JAKMIP1: variants seen among roughly 807,000 people sequenced by gnomAD.
The protein encoded by JAKMIP1 is janus kinase and microtubule-interacting protein 1.
JAKMIP1 carries 33 observed loss-of-function variants against 113.0 expected under a neutral mutation model. The observed-to-expected ratio is 0.29, with a 90% confidence interval of 0.22 to 0.39. The LOEUF is 0.39. Among genes scored for constraint, JAKMIP1 ranks in the 10% least tolerant of loss-of-function variants. JAKMIP1 has a pLI of 1.00. For synonymous variants in JAKMIP1, 480 were observed against 459.9 expected, an observed-to-expected ratio of 1.04 and a Z score of -0.56; for missense variants, 813 against 1,080.5, an observed-to-expected ratio of 0.75 and a Z score of 3.47.
rs1466917870 is a variant in JAKMIP1 at position 6,183,068 on chromosome 4, G to A, written c.-148+17185C>T. ...CCAGGTCCCATCTTAGTAATACAAG[G>A]ACTCTTGAAGGTTGAGACAGAACAA... On this transcript the variant is annotated intron_variant, in intron 1 of 20. Transcript: ENST00000409021. The surrounding 1 kb of genome is among the most constrained non-coding windows in gnomAD (Gnocchi z 5.3). Among the ~76,000 whole-genome samples the A allele has an allele frequency of 6.6e-6, 1 of 152,180 alleles. No individual in the cohort carries two copies. The highest frequency in any genetic ancestry group is 1.5e-5 in the Non-Finnish European group (1 of 68,040).
chr4:6,129,732 T>C lies in JAKMIP1; in HGVS notation c.-147-16735A>G, dbSNP rs931862828. Among the ~76,000 whole-genome samples, 1 of 152,156 alleles carries C rather than the reference T, an allele frequency of 6.6e-6. No individual in the cohort carries two copies. The highest frequency in any genetic ancestry group is 1.5e-5 in the Non-Finnish European group (1 of 68,026). ...ATGACCAAAGAGGTTATGATGAGAT[T>C]TCTCCATGAAGCACAACTCCCGCCC... On this transcript the variant is annotated intron_variant, in intron 1 of 20. Transcript: ENST00000409021. The surrounding 1 kb of genome is among the most constrained non-coding windows in gnomAD (Gnocchi z 5.4).
rs973750568 is a variant in JAKMIP1 at position 6,197,855 on chromosome 4, G to T, written c.-148+2398C>A. Among the ~76,000 whole-genome samples the T allele has an allele frequency of 6.6e-6, 1 of 152,216 alleles. No homozygotes were observed. The highest frequency in any genetic ancestry group is 2.4e-5 in the African/African-American group (1 of 41,450). ...TAGCCTGCAGTGGCAATTGCTGCTGGCTTAAGCATTAGAAATTGTTCCCTC... is the reference window on the plus strand; with the variant it reads ...TAGCCTGCAGTGGCAATTGCTGCTGTCTTAAGCATTAGAAATTGTTCCCTC... On this transcript the variant is annotated intron_variant, in intron 1 of 20. Transcript: ENST00000409021. The surrounding 1 kb of genome is among the most constrained non-coding windows in gnomAD (Gnocchi z 6.5).
In JAKMIP1 at chr4:6,070,621, C is replaced by T. The variant is rs564351750; in HGVS notation, c.1303-5613G>A. On this transcript the variant is annotated intron_variant, in intron 8 of 20. Transcript: ENST00000409021. ...GGTCCCCAGACAATCGCAAGGCCCC[C>T]GGGGCAGCACTAGCAATGGCAACGC... Among the ~76,000 whole-genome samples the T allele has an allele frequency of 3.9e-5, 6 of 152,346 alleles. No homozygotes were observed. The South Asian group carries it at 6.2e-4, about 16-fold the overall frequency.
intron 1 of JAKMIP1, among the ~76,000 whole-genome samples, chr4:6,123,193 C>T (rs1391404840): frequency 6.6e-6 from 1 of 152,248 alleles, no homozygotes; most frequent in African/African-American, 2.4e-5. Context: ...TGGAACAGAG[C>T]TGTTGCCACT....
intron 1 of JAKMIP1, among the ~76,000 whole-genome samples, chr4:6,190,736 C>T (rs1191634065): frequency 6.6e-6 from 1 of 152,230 alleles, no homozygotes; most frequent in Non-Finnish European, 1.5e-5. Flanking sequence ...GGCATCTCTC[C>T]ATGTGGAACA....
intron 16 of JAKMIP1, among the ~76,000 whole-genome samples, chr4:6,046,184 G>C (rs940097996): frequency 1.2e-4 from 19 of 152,198 alleles, no homozygotes; most frequent in Non-Finnish European, 2.9e-5. Flanking sequence ...GTCCCCTAGT[G>C]GTCCTGCCAG....
chr4:6,041,782 C>T (rs769937057), intron 17 of JAKMIP1, among the ~76,000 whole-genome samples: 43 of 152,326 alleles, frequency 2.8e-4, no homozygotes, highest in Non-Finnish European at 4.7e-4. Context: ...GTCACTGCGC[C>T]AGCATTTCCA....
intron 3 of JAKMIP1, among the ~76,000 whole-genome samples, chr4:6,101,639 C>T (rs961342963): frequency 5.3e-5 from 8 of 150,184 alleles, no homozygotes; most frequent in Admixed American, 2.0e-4. Flanking sequence ...GTAATCCTAG[C>T]ACTTTGGGAG....
intron 1 of JAKMIP1, among the ~76,000 whole-genome samples, chr4:6,169,603 T>TTGTGTG (rs71173413): frequency 0.021 from 2,839 of 137,286 alleles, 34 homozygotes; most frequent in Non-Finnish European, 0.024. Context: ...CCCTAGGAAA[T>TTGTGTG]TGTGTGTGTG....
chr4:6,140,177 C>T lies in JAKMIP1; in HGVS notation c.-147-27180G>A, dbSNP rs375277165. Among the ~76,000 whole-genome samples the T allele has an allele frequency of 4.6e-5, 7 of 151,928 alleles. No homozygotes were observed. Among genetic ancestry groups the T allele is most frequent in the African/African-American group, 7.3e-5 (3 of 41,314 alleles). On this transcript the variant is annotated intron_variant, in intron 1 of 20. Transcript: ENST00000409021. This position sits in a 1 kb window ranked among gnomAD's most constrained non-coding sequence, Gnocchi z 9.4. ...ACACACAGGGGAGAAAGGCTGACAG[C>T]GGCAGAAACAATCAATGTTCACGTG...
At position 6,138,301 on chromosome 4, in the gene JAKMIP1, G is replaced by A. The variant is rs1185760869; in HGVS notation, c.-147-25304C>T. On this transcript the variant is annotated intron_variant, in intron 1 of 20. Coordinates refer to ENST00000409021, the MANE Select transcript of JAKMIP1 (RefSeq NM_001099433.2). This position sits in a 1 kb window ranked among gnomAD's most constrained non-coding sequence, Gnocchi z 6.0. Reference sequence around the variant, plus strand: ...CTCACTCTGTCACCCAGGCTGGAGTGCAGTGGTGCAATATTGGCTCACTGC... The same window carrying A: ...CTCACTCTGTCACCCAGGCTGGAGTACAGTGGTGCAATATTGGCTCACTGC... Among the ~76,000 whole-genome samples, 2 of 152,050 alleles carry A rather than the reference G, an allele frequency of 1.3e-5. No individual in the cohort carries two copies. Among genetic ancestry groups the A allele is most frequent in the Non-Finnish European group, 2.9e-5 (2 of 68,008 alleles).
rs1426886799 is a variant in JAKMIP1 at position 6,139,614 on chromosome 4, A to C, written c.-147-26617T>G. On this transcript the variant is annotated intron_variant, in intron 1 of 20. Transcript: ENST00000409021. This position sits in a 1 kb window ranked among gnomAD's most constrained non-coding sequence, Gnocchi z 5.2. ...AACCCCATCTCTACTAAAAATACAA[A>C]AATTAGCCAGGTGTGGTGGCACACA... is the stretch of plus-strand genomic sequence containing the variant. Among the ~76,000 whole-genome samples the C allele has an allele frequency of 2.0e-5, 3 of 151,904 alleles. No individual in the cohort carries two copies. Among genetic ancestry groups the C allele is most frequent in the Admixed American group, 6.6e-5 (1 of 15,266 alleles).
At chr4:6,077,392 A>G (rs968470298) in intron 8 of JAKMIP1, among the ~76,000 whole-genome samples, 14 of 151,988 alleles carry the variant, frequency 9.2e-5, no homozygotes, top group African/African-American at 3.4e-4. Flanking sequence ...GGGGTCTGCT[A>G]CGGGTTTTAG....
At chr4:6,095,668 T>G (rs935798549) in intron 3 of JAKMIP1, among the ~76,000 whole-genome samples, 3 of 152,232 alleles carry the variant, frequency 2.0e-5, no homozygotes, top group Non-Finnish European at 4.4e-5. Context: ...CGGTGCCATC[T>G]GATGTGTACG....
chr4:6,071,674 G>C (rs961015093), intron 8 of JAKMIP1, among the ~76,000 whole-genome samples: 1 of 152,202 alleles, frequency 6.6e-6, no homozygotes, highest in Non-Finnish European at 1.5e-5. Context: ...GCCAGGTCAG[G>C]CTCCCGAGCT....
chr4:6,196,380 C>A (rs1301356718), intron 1 of JAKMIP1, among the ~76,000 whole-genome samples: 1 of 152,210 alleles, frequency 6.6e-6, no homozygotes, highest in Admixed American at 6.5e-5. Flanking sequence ...CAGCCCCCTG[C>A]ACAGTCCACC....
chr4:6,098,546 AAAAGAAAGAAAGAAAGAAAG>A (rs759936324), intron 3 of JAKMIP1, among the ~76,000 whole-genome samples: 7 of 46,488 alleles, frequency 1.5e-4, no homozygotes, highest in Non-Finnish European at 2.2e-4. Flanking sequence ...GAGAGAAAGA[AAAAGAAAGAAAGAAAGAAAG>A]AAAGAAAGAA....
In JAKMIP1 at chr4:6,069,491, G is replaced by T. The variant is rs1401556424; in HGVS notation, c.1303-4483C>A. ...TGGCCGGGCACAGTGGCTCATGCCT[G>T]TAATCCCAGCACTTTGGGAGGCTGA... On this transcript the variant is annotated intron_variant, in intron 8 of 20. Coordinates refer to ENST00000409021, the MANE Select transcript of JAKMIP1 (RefSeq NM_001099433.2). This position sits in a 1 kb window ranked among gnomAD's most constrained non-coding sequence, Gnocchi z 4.5. Among the ~76,000 whole-genome samples the T allele has an allele frequency of 2.0e-5, 3 of 152,222 alleles. No homozygotes were observed. Among genetic ancestry groups the T allele is most frequent in the Non-Finnish European group, 2.9e-5 (2 of 68,046 alleles).
intron 16 of JAKMIP1, among the ~76,000 whole-genome samples, chr4:6,045,018 G>C (rs1215490571): frequency 6.6e-6 from 1 of 152,238 alleles, no homozygotes; most frequent in Non-Finnish European, 1.5e-5. Flanking sequence ...GCTGCAGGGT[G>C]GGGGCTGCTC....
Sources: allele counts gnomAD v4.1 joint callset (sites outside exome capture counted in the v4.1 genomes callset), GRCh38; gene constraint gnomAD v4.1.1; non-coding constraint Gnocchi (gnomAD v3.1); transcripts MANE v1.5; gene names NCBI Gene and HGNC (gene_info 2026-07-23, HGNC 2026-07-21).